NAA60: variants seen among roughly 807,000 people sequenced by gnomAD.
NAA60 encodes N-alpha-acetyltransferase 60.
Under a neutral mutation model 26.1 loss-of-function variants are expected in NAA60, and 8 were observed. The ratio of observed to expected loss-of-function variants is 0.31; its 90% CI spans 0.18 to 0.55. The LOEUF (loss-of-function observed/expected upper bound fraction) is 0.55, where lower values mean the gene tolerates loss of function less well. Among genes scored for constraint, NAA60 ranks in the 20% least tolerant of loss-of-function variants. The pLI is 0.93. For synonymous variants in NAA60, 131 were observed against 122.5 expected (o/e 1.07, Z -0.46); for missense variants, 290 against 311.3 (o/e 0.93, Z 0.51).
rs1265169763 is a variant in NAA60 at position 3,484,689 on chromosome 16, A to G, written c.573-10A>G. 2.5e-6 allele frequency: 4 copies of G among 1,583,464 alleles called. No homozygotes were observed. The African/African-American group carries it at 5.4e-5, about 21-fold the overall frequency. On this transcript the variant is annotated splice_polypyrimidine_tract_variant and intron_variant, in intron 6 of 7. Transcript: ENST00000407558. ...AGGGCAAGTCGGAATCTTCCTTAAC[A>G]GAGCCCCACGGACTACATCCAGCAC...
intron 7 of NAA60, 76 bp from the exon 8 acceptor site, chr16:3,485,391 C>G (rs1255166129): frequency 2.1e-6 from 1 of 466,946 alleles, no homozygotes; most frequent in African/African-American, 2.0e-5. Flanking sequence ...AGCTGTGTGG[C>G]CCATAGGCAG....
intron 2 of NAA60, among the ~76,000 whole-genome samples, chr16:3,449,764 G>T (rs1177088130): frequency 6.6e-6 from 1 of 152,096 alleles, no homozygotes; most frequent in Non-Finnish European, 1.5e-5. Flanking sequence ...GGAGGTAATT[G>T]AATCGTGGGG....
At chr16:3,479,449 C>T in intron 3 of NAA60, 22 bp from the exon 4 acceptor site, 1 of 1,612,270 alleles carries the variant, frequency 6.2e-7, no homozygotes. Context: ...GCAGGTTCAC[C>T]TGAGTATGTT....
intron 2 of NAA60, among the ~76,000 whole-genome samples, chr16:3,474,515 C>T (rs992242655): frequency 1.3e-5 from 2 of 152,252 alleles, no homozygotes; most frequent in Non-Finnish European, 2.9e-5. Flanking sequence ...CTCCCCTTGT[C>T]AGGAAAGGGA....
intron 2 of NAA60, among the ~76,000 whole-genome samples, chr16:3,475,396 T>A (rs1042013735): frequency 6.6e-6 from 1 of 152,104 alleles, no homozygotes; most frequent in African/African-American, 2.4e-5. Flanking sequence ...GGCCCCATCC[T>A]TTCCTTTTAA....
intron 2 of NAA60, among the ~76,000 whole-genome samples, chr16:3,472,787 C>G (rs1567386959): frequency 1.3e-5 from 2 of 152,174 alleles, no homozygotes; most frequent in Admixed American, 6.5e-5. Flanking sequence ...TACCCGTTAT[C>G]CAGATCTAAC....
chr16:3,458,247 G>T, intron 2 of NAA60: 1 of 949,520 alleles, frequency 1.1e-6, no homozygotes, highest in African/African-American at 1.8e-5. Context: ...GGCGGGGTAG[G>T]CGGGGAGGCC....
chr16:3,471,678 G>T (rs1280446902), intron 2 of NAA60, among the ~76,000 whole-genome samples: 1 of 152,134 alleles, frequency 6.6e-6, no homozygotes, highest in East Asian at 1.9e-4. Flanking sequence ...TTCGCAGGTT[G>T]CCTGTGCTCA....
chr16:3,482,437 C>G (rs1954493627), intron 4 of NAA60, 65 bp from the exon 5 acceptor site: 3 of 1,336,510 alleles, frequency 2.2e-6, no homozygotes, highest in Non-Finnish European at 2.1e-6. Context: ...CCGCCTGGGC[C>G]GGGCTGTGCA....
chr16:3,485,454 C>A lies in NAA60; in HGVS notation c.*207-13C>A. 4.4e-6 allele frequency: 2 copies of A among 457,872 alleles called. No homozygotes were observed. Among genetic ancestry groups the A allele is most frequent in the Non-Finnish European group, 8.8e-6 (2 of 227,924 alleles). 28.4% of individuals were successfully genotyped at this position (457,872 alleles called of 1,614,324 possible). On this transcript the variant is annotated splice_polypyrimidine_tract_variant and intron_variant, in intron 7 of 7. Transcript: ENST00000407558. ...CGGGCCTTCACCCTGCCCTGCTCTT[C>A]TCTTTCCCACAGGCTCTTCAGCTCC...
intron 4 of NAA60, 97 bp downstream of exon 4, chr16:3,479,697 G>A (rs550092182): frequency 1.9e-5 from 27 of 1,428,104 alleles, no homozygotes; most frequent in Middle Eastern, 2.3e-4. Flanking sequence ...CACAGCCGTC[G>A]TCCAAGGAGC....
chr16:3,474,978 G>C (rs1353617749), intron 2 of NAA60, among the ~76,000 whole-genome samples: 1 of 151,946 alleles, frequency 6.6e-6, no homozygotes, highest in Non-Finnish European at 1.5e-5. Context: ...ACAGGGTCTT[G>C]CTATGTTGCC....
intron 2 of NAA60, among the ~76,000 whole-genome samples, chr16:3,458,601 CT>C (rs2035157809): frequency 6.6e-6 from 1 of 152,184 alleles, no homozygotes; most frequent in Non-Finnish European, 1.5e-5. Flanking sequence ...CTTCGCCCCG[CT>C]CTCGCCTGGC....
Position 3,470,199 on chromosome 16 carries a change from G to T in NAA60, c.-6-6023G>T, listed in dbSNP as rs553667069. Among the ~76,000 whole-genome samples the T allele has an allele frequency of 6.2e-4, 94 of 152,324 alleles. 1 individual carries two copies. Among genetic ancestry groups the T allele is most frequent in the Non-Finnish European group, 1.1e-3 (78 of 68,026 alleles). ...AGAATTGGCCATTGCCACCTCTGAG[G>T]GGCTGGGAAATGGGTGACCCTGCCC... On this transcript the variant is annotated intron_variant, in intron 2 of 7. Transcript: ENST00000407558.
chr16:3,479,280 T>G (rs570234336), intron 3 of NAA60, among the ~76,000 whole-genome samples, 191 bp from the exon 4 acceptor site: 1 of 152,190 alleles, frequency 6.6e-6, no homozygotes, highest in Non-Finnish European at 1.5e-5. Flanking sequence ...CAGTCCTGTC[T>G]AGACAGATCA....
chr16:3,482,676 GTC>G lies in NAA60; in HGVS notation c.337+82_337+83del, dbSNP rs550794032. On this transcript the variant is annotated intron_variant, in intron 5 of 7. Transcript: ENST00000407558. ...CCCACCCCCATCCCATCTGCACCCAGTCTCTTCCCTGGCCCCAACAACTCTGG... is the reference window on the plus strand; with the variant it reads ...CCCACCCCCATCCCATCTGCACCCAGTCTTCCCTGGCCCCAACAACTCTGG... 8.2e-4 allele frequency: 670 copies of G among 814,560 alleles called. 5 individuals carry two copies. The highest frequency in any genetic ancestry group is 6.8e-3 in the South Asian group (474 of 69,826). The allele number at this position is 814,560 out of a possible 1,614,324, so 50.5% of individuals were successfully genotyped here.
At position 3,482,522 on chromosome 16, in the gene NAA60, C is replaced by T. The variant is rs369174949; in HGVS notation, c.261C>T (p.Ser87=). 7.5e-6 allele frequency: 12 copies of T among 1,604,916 alleles called. 1 individual carries two copies. In the African/African-American group the frequency reaches 1.3e-4, roughly 18 times the overall value. ...TCTAGGATGGAGATATTCTAGCATC[C>T]AACTTCTCTGTTGACACACAAGTCG... The part of the protein sequence containing the change: ...IHKEDGDILA[S]NFSVDTQVAY... Residue 87 remains serine (S), a synonymous_variant, in exon 5 of 8, where the codon TCC becomes TCT. Transcript: ENST00000407558.
At chr16:3,480,865 C>T (rs1166829548) in intron 4 of NAA60, among the ~76,000 whole-genome samples, 3 of 152,224 alleles carry the variant, frequency 2.0e-5, no homozygotes, top group East Asian at 3.9e-4. Context: ...GCGGAGATTG[C>T]ACTTTTGCAC....
At chr16:3,465,783 A>C (rs550640917) in intron 2 of NAA60, among the ~76,000 whole-genome samples, 4 of 152,216 alleles carry the variant, frequency 2.6e-5, no homozygotes, top group Non-Finnish European at 4.4e-5. Context: ...TAATGGTGCC[A>C]GAAAGCACCA....
Sources: allele counts gnomAD v4.1 joint callset (sites outside exome capture counted in the v4.1 genomes callset), GRCh38; gene constraint gnomAD v4.1.1; transcripts MANE v1.5; gene names NCBI Gene and HGNC (gene_info 2026-07-23, HGNC 2026-07-21).